CMBL: variants seen among roughly 807,000 people sequenced by gnomAD.
CMBL encodes the protein carboxymethylenebutenolidase homolog (Pseudomonas).
Under a neutral mutation model 28.7 loss-of-function variants are expected in CMBL, and 17 were observed. The observed-to-expected ratio is 0.59, with a 90% CI of 0.41 to 0.89. CMBL has a LOEUF of 0.89. Ranked by LOEUF, CMBL falls within the 40% of genes least tolerant of loss-of-function variation. CMBL has a pLI of 0.00. For missense variants in CMBL, 310 were observed against 298.5 expected, an observed-to-expected ratio of 1.04 and a Z score of -0.28; for synonymous variants, 106 against 101.6, an observed-to-expected ratio of 1.04 and a Z score of -0.26.
chr5:10,300,146 A>C (rs1018929439), intron 1 of CMBL, among the ~76,000 whole-genome samples: 2 of 152,310 alleles, frequency 1.3e-5, no homozygotes, highest in African/African-American at 2.4e-5. Context: ...AAATCCAATG[A>C]CTGGTGTCCT....
chr5:10,294,849 A>G (rs1022596732), intron 1 of CMBL, among the ~76,000 whole-genome samples: 1 of 152,180 alleles, frequency 6.6e-6, no homozygotes, highest in Non-Finnish European at 1.5e-5. Flanking sequence ...TGGAGGATGG[A>G]GTGTGTTTAA....
rs1746453681 is a variant in CMBL, at chr5:10,279,348, T to C, written c.*1105A>G. On this transcript the variant is annotated 3_prime_UTR_variant, in exon 6 of 6. Coordinates refer to ENST00000296658, the MANE Select transcript of CMBL (RefSeq NM_138809.4). ...TGGAATCCTGTTTTGATCTCAATACTTCCCATATTGCAATATATAAATGTG... is the reference window on the plus strand; with the variant it reads ...TGGAATCCTGTTTTGATCTCAATACCTCCCATATTGCAATATATAAATGTG... The C allele has an allele frequency of 2.6e-5, 4 of 152,252 alleles. No individual in the cohort carries two copies. 9.4% of individuals were successfully genotyped at this position (152,252 alleles called of 1,614,324 possible). A position where few individuals can be genotyped will look rare whatever the true frequency, so the allele number is the denominator to read the frequency against.
At chr5:10,286,096 A>G (rs951107032) in intron 4 of CMBL, 7 of 386,914 alleles carry the variant, frequency 1.8e-5, no homozygotes, top group African/African-American at 4.1e-5. Context: ...TAGGTGAAGA[A>G]ATGGAGAATT....
At chr5:10,284,446 T>A (rs948642758) in intron 4 of CMBL, among the ~76,000 whole-genome samples, 5 of 152,238 alleles carry the variant, frequency 3.3e-5, no homozygotes, top group Non-Finnish European at 7.3e-5. Context: ...GTCCCAGGCC[T>A]AACGATGGTT....
rs187362098 is a variant in CMBL, at chr5:10,282,239, C to T, written c.516G>A (p.Leu172=). The change falls in exon 5 of 6, where the codon TTG becomes TTA. Residue 172 remains leucine (L), a synonymous_variant. Transcript: ENST00000296658. ...CAACATCATTTTCAGCAAAAATGAACAAAGTGGGGTTCTTTAAATTGTAAA... is the reference window on the plus strand; with the variant it reads ...CAACATCATTTTCAGCAAAAATGAATAAAGTGGGGTTCTTTAAATTGTAAA... ...EDIYNLKNPT[L]FIFAENDVVI... 32 of 1,613,216 alleles carry T rather than the reference C, an allele frequency of 2.0e-5. No individual in the cohort carries two copies. The highest frequency in any genetic ancestry group is 2.6e-5 in the Non-Finnish European group (31 of 1,179,236).
rs137869922 is a variant in CMBL at position 10,293,402 on chromosome 5, G to A, written c.-19-2621C>T. On this transcript the variant is annotated intron_variant, in intron 1 of 5. Coordinates refer to ENST00000296658, the MANE Select transcript of CMBL (RefSeq NM_138809.4). ...TGGTGCCCTCTCCTTGTGTCCTCAC[G>A]GGGTAGAAGGAACTAGCTGGCTCTC... Among the ~76,000 whole-genome samples the A allele has an allele frequency of 5.5e-3, 843 of 152,270 alleles. 7 individuals carry two copies. Among genetic ancestry groups the A allele is most frequent in the African/African-American group, 0.019 (796 of 41,546 alleles).
Position 10,278,866 on chromosome 5 carries a change from C to T in CMBL, c.*1587G>A, listed in dbSNP as rs1450798188. Among the ~76,000 whole-genome samples, 1 of 151,940 alleles carries T rather than the reference C, an allele frequency of 6.6e-6. No individual in the cohort carries two copies. Among genetic ancestry groups the T allele is most frequent in the Non-Finnish European group, 1.5e-5 (1 of 68,006 alleles). ...GCTTCCTGCGAGAGGGACACCTGGCCACAGGTTGGACACTCAGGAATCAGG... is the reference window on the plus strand; with the variant it reads ...GCTTCCTGCGAGAGGGACACCTGGCTACAGGTTGGACACTCAGGAATCAGG... On this transcript the variant is annotated 3_prime_UTR_variant, in exon 6 of 6. Transcript: ENST00000296658.
At chr5:10,293,597 G>GA (rs2126553904) in intron 1 of CMBL, among the ~76,000 whole-genome samples, 1 of 152,314 alleles carries the variant, frequency 6.6e-6, no homozygotes, top group East Asian at 1.9e-4. Context: ...ATAACTGAAA[G>GA]AAAATGAAGA....
intron 1 of CMBL, among the ~76,000 whole-genome samples, chr5:10,304,532 T>C (rs1746964879): frequency 6.6e-6 from 1 of 152,266 alleles, no homozygotes; most frequent in Non-Finnish European, 1.5e-5. Context: ...CTTCCCAGCC[T>C]GTCAGAATGG....
chr5:10,295,453 G>A (rs533662370), intron 1 of CMBL, among the ~76,000 whole-genome samples: 14 of 152,330 alleles, frequency 9.2e-5, no homozygotes, highest in Middle Eastern at 3.4e-3. Context: ...AACTGTCAAT[G>A]TCCACATTCC....
Position 10,290,800 on chromosome 5 carries a change from G to A in CMBL, c.-19-19C>T. On this transcript the variant is annotated intron_variant, in intron 1 of 5. Transcript: ENST00000296658. ...AGTCGGGCTATGGAGAGAGAAACAT[G>A]CGTTATATTCTGAATGCTGCAAATC... is the stretch of plus-strand genomic sequence containing the variant. 6.5e-7 allele frequency: 1 copy of A among 1,545,736 alleles called. No homozygotes were observed. The highest frequency in any genetic ancestry group is 8.9e-7 in the Non-Finnish European group (1 of 1,118,154).
At position 10,290,764 on chromosome 5, in the gene CMBL, G is replaced by T. The variant is rs755532552; in HGVS notation, c.-2C>A. 1 of 1,613,544 alleles carries T rather than the reference G, an allele frequency of 6.2e-7. No individual in the cohort carries two copies. Among genetic ancestry groups the T allele is most frequent in the Admixed American group, 1.7e-5 (1 of 60,020 alleles). On this transcript the variant is annotated 5_prime_UTR_variant, in exon 2 of 6. Transcript: ENST00000296658. Reference sequence around the variant, plus strand: ...ACAAGGATAAGCTTCGTTAGCCATTGCAGAGATTTAAGTCGGGCTATGGAG... The same window carrying T: ...ACAAGGATAAGCTTCGTTAGCCATTTCAGAGATTTAAGTCGGGCTATGGAG...
intron 4 of CMBL, among the ~76,000 whole-genome samples, chr5:10,284,129 C>T (rs985108351): frequency 3.3e-5 from 5 of 152,202 alleles, no homozygotes; most frequent in Non-Finnish European, 7.3e-5. Context: ...ATCCCTGGGC[C>T]TGAGCCCGGC....
At chr5:10,290,300 C>T (rs1746684572) in intron 2 of CMBL, 3 of 508,530 alleles carry the variant, frequency 5.9e-6, no homozygotes, top group Non-Finnish European at 1.1e-5. Flanking sequence ...TTCTCAATGT[C>T]CAGCAAGTCT....
rs115276397 is a variant in CMBL at position 10,282,186 on chromosome 5, T to G, written c.558+11A>C. On this transcript the variant is annotated intron_variant, in intron 5 of 5. Transcript: ENST00000296658. Reference sequence around the variant, plus strand: ...AATAAATAAATACGAAGAGAAAAGATGCCAACTTACGTCCTTGAGTGGAAT... The same window carrying G: ...AATAAATAAATACGAAGAGAAAAGAGGCCAACTTACGTCCTTGAGTGGAAT... The G allele has an allele frequency of 2.5e-6, 4 of 1,577,778 alleles. No homozygotes were observed. In the East Asian group the frequency reaches 8.9e-5, roughly 35 times the overall value.
intron 4 of CMBL, 180 bp downstream of exon 4, chr5:10,286,174 C>G (rs779153497): frequency 3.4e-6 from 2 of 585,442 alleles, no homozygotes; most frequent in Non-Finnish European, 5.6e-6. Flanking sequence ...GTGACATCCT[C>G]TGGTTAACTG....
chr5:10,284,211 G>T (rs1417262932), intron 4 of CMBL, among the ~76,000 whole-genome samples: 2 of 152,214 alleles, frequency 1.3e-5, no homozygotes. Flanking sequence ...ACTCCCGACC[G>T]CCTTTTGCTA....
rs1042698724 is a variant in CMBL, at chr5:10,278,584, T to C, written c.*1869A>G. 6.6e-6 allele frequency among the ~76,000 whole-genome samples: 1 copy of C among 152,104 alleles called. No homozygotes were observed. Among genetic ancestry groups the C allele is most frequent in the Non-Finnish European group, 1.5e-5 (1 of 68,034 alleles). On this transcript the variant is annotated 3_prime_UTR_variant, in exon 6 of 6. Coordinates refer to ENST00000296658, the MANE Select transcript of CMBL (RefSeq NM_138809.4). ...TCATAGCTCCCTCTCTCTCTCGTTC[T>C]CCACCTTCTGGTTGAGCCCATGTGT...
intron 1 of CMBL, among the ~76,000 whole-genome samples, chr5:10,303,119 T>A (rs979242805): frequency 5.3e-5 from 8 of 152,202 alleles, no homozygotes; most frequent in African/African-American, 1.9e-4. Flanking sequence ...AATTTAACTC[T>A]TTCAACCAAG....
Sources: gnomAD v4.1 joint callset for allele counts (sites outside exome capture counted in the v4.1 genomes callset) on GRCh38, gnomAD v4.1.1 for gene constraint, MANE v1.5 for transcripts, NCBI Gene and HGNC (gene_info 2026-07-23, HGNC 2026-07-21) for gene names.